The following USP39 variants were observed in gnomAD, a reference collection of about 807,000 sequenced individuals.
USP39 encodes the protein ubiquitin specific peptidase 39.
A neutral mutation model predicts 66.4 loss-of-function variants in USP39; 38 were observed. The observed-to-expected ratio is 0.57, with a 90% CI of 0.44 to 0.75. The LOEUF is 0.75. Ranked by LOEUF, USP39 falls within the 30% of genes least tolerant of loss-of-function variation. USP39 has a pLI of 0.00. For missense variants in USP39, 608 were observed against 714.4 expected, an observed-to-expected ratio of 0.85 and a Z score of 1.70; for synonymous variants, 303 against 274.6, an observed-to-expected ratio of 1.10 and a Z score of -1.02.
intron 10 of USP39, 43 bp downstream of exon 10, chr2:85,641,161 T>G: frequency 1.2e-6 from 2 of 1,604,732 alleles, no homozygotes; most frequent in Non-Finnish European, 1.7e-6. Flanking sequence ...GGAGTGAACC[T>G]GGATTTCTTC....
At chr2:85,611,463 C>A, upstream of USP39, 1 of 1,545,422 alleles carries the variant, frequency 6.5e-7, no homozygotes. Flanking sequence ...ACTCTGACAG[C>A]GATGCTTAAC....
intron 6 of USP39, among the ~76,000 whole-genome samples, chr2:85,634,496 C>T (rs895644123): frequency 6.6e-6 from 1 of 152,128 alleles, no homozygotes; most frequent in Admixed American, 6.6e-5. Context: ...ATTCCTTGGG[C>T]CTGGGAGGCA....
chr2:85,649,006 T>G lies in USP39; in HGVS notation c.*198T>G. 1.6e-6 allele frequency: 1 copy of G among 641,394 alleles called. No individual in the cohort carries two copies. The highest frequency in any genetic ancestry group is 2.7e-5 in the East Asian group (1 of 37,408). 39.7% of individuals were successfully genotyped at this position (641,394 alleles called of 1,614,324 possible). On this transcript the variant is annotated 3_prime_UTR_variant, in exon 13 of 13. Coordinates refer to ENST00000323701, the MANE Select transcript of USP39 (RefSeq NM_006590.4). ...CTGTCACTCAGCTGTTCTTTGATCA[T>G]TTTTTTCTAGATTGATGCTCCTTTC...
At chr2:85,609,508 G>A (rs1045590765), upstream of USP39, 32 of 1,614,096 alleles carry the variant, frequency 2.0e-5, no homozygotes, top group African/African-American at 1.9e-4. Context: ...ATGGCCAGAA[G>A]GCTCCAGCTC....
At chr2:85,648,695 G>A (rs1007985981) in intron 12 of USP39, 66 bp from the exon 13 acceptor site, 4 of 1,560,750 alleles carry the variant, frequency 2.6e-6, no homozygotes, top group East Asian at 4.5e-5. Flanking sequence ...CACAGAATAG[G>A]TATTTGATAA....
chr2:85,613,937 A>T (rs972685085), upstream of USP39, among the ~76,000 whole-genome samples: 6 of 151,144 alleles, frequency 4.0e-5, no homozygotes, highest in South Asian at 2.1e-4. Flanking sequence ...TAATTTTAAA[A>T]TTTTTTTGTG....
At chr2:85,637,294 T>C in intron 7 of USP39, 75 bp from the exon 8 acceptor site, 1 of 1,542,530 alleles carries the variant, frequency 6.5e-7, no homozygotes, top group South Asian at 1.1e-5. Context: ...ATTTCAGAAA[T>C]TTAGAAGCTG....
intron 12 of USP39, 72 bp downstream of exon 12, chr2:85,648,088 C>A: frequency 6.6e-7 from 1 of 1,525,846 alleles, no homozygotes; most frequent in Non-Finnish European, 9.0e-7. Flanking sequence ...TGGGCCAAGG[C>A]AGGAAGAGGG....
chr2:85,608,910 G>C (rs1389696157), upstream of USP39: 1 of 1,608,688 alleles, frequency 6.2e-7, no homozygotes, highest in South Asian at 1.1e-5. Flanking sequence ...TCCGAGTGCA[G>C]TGAATCCAGC....
chr2:85,628,167 A>T (rs1030051475), intron 5 of USP39, among the ~76,000 whole-genome samples: 3 of 151,786 alleles, frequency 2.0e-5, no homozygotes, highest in African/African-American at 7.3e-5. Context: ...TTTTTTTGAG[A>T]TGGAGTCTCG....
chr2:85,614,371 G>A (rs776651834), upstream of USP39, among the ~76,000 whole-genome samples: 7 of 151,964 alleles, frequency 4.6e-5, no homozygotes, highest in Non-Finnish European at 7.4e-5. Flanking sequence ...AAAATTAGCC[G>A]GGCATGGTGG....
At chr2:85,625,446 C>A in intron 4 of USP39, 93 bp from the exon 5 acceptor site, 1 of 1,543,948 alleles carries the variant, frequency 6.5e-7, no homozygotes, top group Non-Finnish European at 8.9e-7. Flanking sequence ...ATGTTCATGG[C>A]CAAGTGTTTT....
At chr2:85,612,308 C>A, upstream of USP39, 2 of 1,535,836 alleles carry the variant, frequency 1.3e-6, no homozygotes, top group Non-Finnish European at 1.7e-6. Flanking sequence ...AAATGCAAAT[C>A]ATCTATAACA....
chr2:85,647,946 A>G lies in USP39; in HGVS notation c.1580A>G (p.Tyr527Cys). ...TTTCTGCAGGGGACAGGCAAATGGT[A>G]TGAATTACAAGACCTCCAGGTGACT... ...HVLHHGTGKW[Y>C]ELQDLQVTDI... Residue 527 changes from tyrosine to cysteine, a missense_variant, in exon 12 of 13, where the codon TAT becomes TGT. This residue lies in a region of USP39 where 164 missense variants were observed against 250.3 expected (regional missense o/e 0.66). Coordinates refer to ENST00000323701, the MANE Select transcript of USP39 (RefSeq NM_006590.4). 1.9e-6 allele frequency: 3 copies of G among 1,614,144 alleles called. No individual in the cohort carries two copies. Among genetic ancestry groups the G allele is most frequent in the Non-Finnish European group, 2.5e-6 (3 of 1,180,030 alleles).
chr2:85,625,780 A>T, intron 5 of USP39, 89 bp downstream of exon 5: 1 of 1,494,794 alleles, frequency 6.7e-7, no homozygotes, highest in Non-Finnish European at 9.0e-7. Flanking sequence ...GCACTTTGGG[A>T]GGCCAAGGCA....
intron 3 of USP39, among the ~76,000 whole-genome samples, chr2:85,622,335 C>G (rs1447904488): frequency 2.0e-5 from 3 of 150,106 alleles, no homozygotes. Flanking sequence ...ATTGGCCACA[C>G]TGGTCTTGAA....
At chr2:85,612,144 T>A, upstream of USP39, 1 of 890,204 alleles carries the variant, frequency 1.1e-6, no homozygotes, top group Non-Finnish European at 1.7e-6. Context: ...GCACGGAGTT[T>A]TCGGGTCTGG....
chr2:85,628,667 T>G lies in USP39; in HGVS notation c.724-2054T>G, dbSNP rs1215485114. Among the ~76,000 whole-genome samples the G allele has an allele frequency of 3.9e-5, 6 of 152,174 alleles. No individual in the cohort carries two copies. The East Asian group carries it at 1.2e-3, about 29-fold the overall frequency. ...TTCTCTGAGGATGACCAATATTATT[T>G]ATATTGTTGCTGAGGCCAGAGTGCA... On this transcript the variant is annotated intron_variant, in intron 5 of 12. Coordinates refer to ENST00000323701, the MANE Select transcript of USP39 (RefSeq NM_006590.4).
At chr2:85,604,234 A>G (rs1243962580) in intron 1 of USP39, among the ~76,000 whole-genome samples, 2 of 150,860 alleles carry the variant, frequency 1.3e-5, no homozygotes, top group African/African-American at 4.9e-5. Context: ...CTTTTGAGAC[A>G]GAGTTTCACT....
Sources: gnomAD v4.1 joint callset for allele counts (sites outside exome capture counted in the v4.1 genomes callset) on GRCh38, gnomAD v4.1.1 for gene constraint, gnomAD v4.1.1 regional missense constraint, MANE v1.5 for transcripts, NCBI Gene and HGNC (gene_info 2026-07-23, HGNC 2026-07-21) for gene names.